The following BCAS3 variants were observed in gnomAD, a reference collection of about 807,000 sequenced individuals.
BCAS3 encodes BCAS4/BCAS3 fusion.
Under a neutral mutation model 116.1 loss-of-function variants are expected in BCAS3, and 53 were observed. That is an observed-to-expected ratio of 0.46 (90% CI 0.37 to 0.57). BCAS3 has a LOEUF of 0.57. Ranked by LOEUF, BCAS3 falls within the 20% of genes least tolerant of loss-of-function variation. The probability of loss-of-function intolerance (pLI) is 0.00; values close to 1 mark genes in which losing one functional copy is unlikely to be tolerated. For missense variants in BCAS3, 917 were observed against 1,165.4 expected (o/e 0.79, Z 3.10); for synonymous variants, 391 against 408.2 (o/e 0.96, Z 0.51).
Position 61,347,057 on chromosome 17 carries a change from T to C in BCAS3, c.2426-21270T>C, listed in dbSNP as rs1451318929. Among the ~76,000 whole-genome samples the C allele has an allele frequency of 3.3e-5, 5 of 152,238 alleles. No individual in the cohort carries two copies. The highest frequency in any genetic ancestry group is 1.2e-4 in the African/African-American group (5 of 41,456). On this transcript the variant is annotated intron_variant, in intron 22 of 23. Coordinates refer to ENST00000407086, the MANE Select transcript of BCAS3 (RefSeq NM_017679.5). The surrounding 1 kb of genome is among the most constrained non-coding windows in gnomAD (Gnocchi z 4.3). ...TTCCCTTTTCTATAAAATCACTCTC[T>C]AAATATTGGATTTTTGTTTTAACAA...
At chr17:61,123,131 C>T (rs1331211219) in intron 22 of BCAS3, among the ~76,000 whole-genome samples, 3 of 151,918 alleles carry the variant, frequency 2.0e-5, no homozygotes, top group Non-Finnish European at 4.4e-5. Context: ...TTGGTAGAGA[C>T]GGGGTTTCAC....
At chr17:60,989,479 GTTT>G (rs11314373) in intron 14 of BCAS3, among the ~76,000 whole-genome samples, 3 of 135,192 alleles carry the variant, frequency 2.2e-5, no homozygotes, top group African/African-American at 5.2e-5. Flanking sequence ...AAATAAAGTT[GTTT>G]TTTTTTTTTT....
In BCAS3 at chr17:61,037,770, C is replaced by A; in HGVS notation, c.1763-119C>A. 2.1e-6 allele frequency: 2 copies of A among 965,290 alleles called. No individual in the cohort carries two copies. The highest frequency in any genetic ancestry group is 5.0e-5 in the South Asian group (2 of 40,046). 59.8% of individuals were successfully genotyped at this position (965,290 alleles called of 1,614,324 possible). A position where few individuals can be genotyped will look rare whatever the true frequency, so the allele number is the denominator to read the frequency against. ...AAGAAAAAAAGAAAAAAATTCCTGT[C>A]TTTTCATTTTCTCTGAGCAGCCTCA... On this transcript the variant is annotated intron_variant, in intron 17 of 23. Coordinates refer to ENST00000407086, the MANE Select transcript of BCAS3 (RefSeq NM_017679.5). The surrounding 1 kb of genome is among the most constrained non-coding windows in gnomAD (Gnocchi z 4.7).
At chr17:60,854,737 A>C (rs985131330) in intron 7 of BCAS3, among the ~76,000 whole-genome samples, 2 of 152,080 alleles carry the variant, frequency 1.3e-5, no homozygotes, top group Non-Finnish European at 2.9e-5. Flanking sequence ...ACACTTTTAC[A>C]CTGTTGGTGG....
intron 14 of BCAS3, among the ~76,000 whole-genome samples, chr17:60,988,260 G>C (rs906672265): frequency 6.7e-6 from 1 of 150,194 alleles, no homozygotes; most frequent in Admixed American, 6.6e-5. Flanking sequence ...TGTTCACCTG[G>C]AATATTGGCC....
rs145720324 is a variant in BCAS3 at position 61,151,464 on chromosome 17, T to C, written c.2425+66900T>C. Among the ~76,000 whole-genome samples, 56 of 148,998 alleles carry C rather than the reference T, an allele frequency of 3.8e-4. No homozygotes were observed. In the East Asian group the frequency reaches 0.011, roughly 28 times the overall value. ...GCTTCTAATCTAAACATCTCTTTCA[T>C]TCAACGTTTTCTTTTTTTTTTGAGA... is the stretch of plus-strand genomic sequence containing the variant. On this transcript the variant is annotated intron_variant, in intron 22 of 23. Transcript: ENST00000407086. The surrounding 1 kb of genome is among the most constrained non-coding windows in gnomAD (Gnocchi z 4.8).
At chr17:60,707,939 G>T (rs1221876790) in intron 4 of BCAS3, among the ~76,000 whole-genome samples, 3 of 152,140 alleles carry the variant, frequency 2.0e-5, no homozygotes, top group Admixed American at 1.3e-4. Context: ...TCATGAGGTG[G>T]ATTGATTTAT....
Position 60,919,674 on chromosome 17 carries a change from GT to G in BCAS3, c.994-4722del, listed in dbSNP as rs1356723126. ...CATAGGGGAAGGCTTTTTCCTGTGT[GT>G]TTTTTTTTTTAAAATAATGACAAGG... is the stretch of plus-strand genomic sequence containing the variant. On this transcript the variant is annotated intron_variant, in intron 12 of 23. Transcript: ENST00000407086. Among the ~76,000 whole-genome samples, 55 of 146,252 alleles carry G rather than the reference GT, an allele frequency of 3.8e-4. No individual in the cohort carries two copies. The East Asian group carries it at 4.4e-3, about 12-fold the overall frequency.
Position 61,087,157 on chromosome 17 carries a change from G to A in BCAS3, c.2425+2593G>A, listed in dbSNP as rs2073158634. The A allele has an allele frequency of 1.0e-6, 1 of 985,330 alleles. No homozygotes were observed. The highest frequency in any genetic ancestry group is 6.2e-5 in the Admixed American group (1 of 16,252). The allele number at this position is 985,330 out of a possible 1,614,324, so 61.0% of individuals were successfully genotyped here. A position where few individuals can be genotyped will look rare whatever the true frequency, so the allele number is the denominator to read the frequency against. ...CTCTTGAACCGGGAAGTGCACCTCT[G>A]ATTATGATCCATGCATTGGAGTCAG... On this transcript the variant is annotated intron_variant, in intron 22 of 23. Transcript: ENST00000407086. The surrounding 1 kb of genome is among the most constrained non-coding windows in gnomAD (Gnocchi z 4.6).
In BCAS3 at chr17:61,048,691, C is replaced by T. The variant is rs183505804; in HGVS notation, c.2029+7799C>T. Among the ~76,000 whole-genome samples the T allele has an allele frequency of 1.7e-3, 253 of 152,038 alleles. 2 individuals carry two copies. Among genetic ancestry groups the T allele is most frequent in the African/African-American group, 5.3e-3 (219 of 41,504 alleles). ...GCCCAAAATATTTACTATTTTCAAACCCTCACCTAGAGTTTGTTGGATGGG... is the reference window on the plus strand; with the variant it reads ...GCCCAAAATATTTACTATTTTCAAATCCTCACCTAGAGTTTGTTGGATGGG... On this transcript the variant is annotated intron_variant, in intron 19 of 23. Transcript: ENST00000407086.
At chr17:60,999,688 G>A (rs1358421312) in intron 15 of BCAS3, among the ~76,000 whole-genome samples, 1 of 152,084 alleles carries the variant, frequency 6.6e-6, no homozygotes, top group African/African-American at 2.4e-5. Flanking sequence ...TCTGTGAAAA[G>A]ATGACATTAG....
intron 5 of BCAS3, among the ~76,000 whole-genome samples, chr17:60,722,783 T>G (rs1255987215): frequency 6.6e-6 from 1 of 151,406 alleles, no homozygotes; most frequent in Admixed American, 6.6e-5. Flanking sequence ...AAAATGCTTT[T>G]TAGGCTGGGC....
chr17:61,372,418 A>G (rs982009157), intron 23 of BCAS3, among the ~76,000 whole-genome samples: 1 of 152,088 alleles, frequency 6.6e-6, no homozygotes, highest in Non-Finnish European at 1.5e-5. Context: ...CGTGTCTCCA[A>G]TTACTATCCA....
At chr17:61,386,793 T>C (rs2059878445) in intron 23 of BCAS3, among the ~76,000 whole-genome samples, 1 of 116,406 alleles carries the variant, frequency 8.6e-6, no homozygotes, top group Non-Finnish European at 1.7e-5. Flanking sequence ...GTTTTTGTTT[T>C]TTGTTTTTTT....
chr17:61,101,441 G>A (rs904534471), intron 22 of BCAS3, among the ~76,000 whole-genome samples: 10 of 152,076 alleles, frequency 6.6e-5, no homozygotes, highest in African/African-American at 2.4e-4. Context: ...TCTATAGTGG[G>A]GAGTGGGGGA....
chr17:61,014,226 G>A (rs2065293147), intron 15 of BCAS3, among the ~76,000 whole-genome samples: 2 of 152,042 alleles, frequency 1.3e-5, no homozygotes, highest in African/African-American at 4.8e-5. Flanking sequence ...TTTTTTGCAT[G>A]AAAGAGTTGT....
chr17:61,020,107 T>C lies in BCAS3; in HGVS notation c.1637+4206T>C, dbSNP rs1021232389. Among the ~76,000 whole-genome samples the C allele has an allele frequency of 4.6e-5, 7 of 152,330 alleles. No individual in the cohort carries two copies. Among genetic ancestry groups the C allele is most frequent in the African/African-American group, 1.4e-4 (6 of 41,578 alleles). ...TTTGCACATGGTCATAAAATAACCA[T>C]AAAGTGTTATATTTCTAAAGTAGAG... On this transcript the variant is annotated intron_variant, in intron 16 of 23. Coordinates refer to ENST00000407086, the MANE Select transcript of BCAS3 (RefSeq NM_017679.5). This position sits in a 1 kb window ranked among gnomAD's most constrained non-coding sequence, Gnocchi z 4.5.
At chr17:60,778,374 C>A in intron 6 of BCAS3, among the ~76,000 whole-genome samples, 1 of 152,024 alleles carries the variant, frequency 6.6e-6, no homozygotes, top group East Asian at 1.9e-4. Context: ...AAAATAGGTT[C>A]TATTATATGG....
intron 22 of BCAS3, among the ~76,000 whole-genome samples, chr17:61,117,739 CAGA>C (rs1386239168): frequency 6.6e-6 from 1 of 152,058 alleles, no homozygotes; most frequent in Non-Finnish European, 1.5e-5. Flanking sequence ...CAAAATTAAG[CAGA>C]AGGTGGGGAG....
Sources: gnomAD v4.1 joint callset for allele counts (sites outside exome capture counted in the v4.1 genomes callset) on GRCh38, gnomAD v4.1.1 for gene constraint, Gnocchi (gnomAD v3.1) non-coding constraint, MANE v1.5 for transcripts, NCBI Gene and HGNC (gene_info 2026-07-23, HGNC 2026-07-21) for gene names.